PWWP3B: variants seen among roughly 807,000 people sequenced by gnomAD.
PWWP3B encodes the protein PWWP domain containing 3B.
In PWWP3B, 5 loss-of-function variants were observed where a neutral mutation model predicts 15.7. The observed-to-expected ratio is 0.32, with a 90% CI of 0.17 to 0.67. The LOEUF (loss-of-function observed/expected upper bound fraction) is 0.67. Among genes scored for constraint, PWWP3B ranks in the 30% least tolerant of loss-of-function variants. The pLI is 0.74. For synonymous variants in PWWP3B, 203 were observed against 179.8 expected, an observed-to-expected ratio of 1.13 and a Z score of -1.03; for missense variants, 519 against 493.1, an observed-to-expected ratio of 1.05 and a Z score of -0.50.
intron 2 of PWWP3B, among the ~76,000 whole-genome samples, chrX:106,187,598 T>C (rs141359247): frequency 0.022 from 2,433 of 112,209 alleles, 79 homozygotes; most frequent in African/African-American, 0.075. Context: ...GGGTTGATCA[T>C]TATTACTAAG....
intron 2 of PWWP3B, among the ~76,000 whole-genome samples, chrX:106,172,023 T>C (rs1921646068): frequency 9.0e-6 from 1 of 111,476 alleles, no homozygotes; most frequent in Non-Finnish European, 1.9e-5. Context: ...TTTATTATCA[T>C]TATAATAGTA....
At chrX:106,187,623 C>T (rs762574147) in intron 2 of PWWP3B, among the ~76,000 whole-genome samples, 1 of 112,145 alleles carries the variant, frequency 8.9e-6, no homozygotes, top group Non-Finnish European at 1.9e-5. Flanking sequence ...TCCTGATGTT[C>T]TTCCTCTTCA....
At chrX:106,172,239 C>T (rs1921657328) in intron 2 of PWWP3B, among the ~76,000 whole-genome samples, 1 of 109,324 alleles carries the variant, frequency 9.1e-6, no homozygotes. Flanking sequence ...AACACTTAGG[C>T]TACACTAAAT....
Position 106,205,960 on chromosome X carries a change from T to C in PWWP3B, c.528T>C (p.Asp176=), listed in dbSNP as rs776671655. The C allele has an allele frequency of 8.3e-7, 1 of 1,210,740 alleles. No homozygotes were observed. The highest frequency in any genetic ancestry group is 1.8e-5 in the South Asian group (1 of 56,694). ...DDKSQAPTMV[D]TIPSEVETKS... ...AATCACAAGCACCCACAATGGTCGA[T>C]ACTATTCCAAGTGAAGTGGAAACAA... Residue 176 remains aspartate, a synonymous_variant, in exon 4 of 4, where the codon GAT becomes GAC. Transcript: ENST00000357175.
chrX:106,182,534 G>A (rs1922269113), intron 2 of PWWP3B, among the ~76,000 whole-genome samples: 1 of 111,744 alleles, frequency 8.9e-6, no homozygotes, highest in South Asian at 3.8e-4. Flanking sequence ...AGGTGTGTGA[G>A]TCTGTTGTTT....
intron 2 of PWWP3B, among the ~76,000 whole-genome samples, chrX:106,195,937 TTCTC>T (rs1320334027): frequency 9.0e-6 from 1 of 111,487 alleles, no homozygotes; most frequent in Non-Finnish European, 1.9e-5. Context: ...CATGGTATAT[TTCTC>T]TATTTATTTA....
chrX:106,196,103 A>G (rs1163508782), intron 2 of PWWP3B, among the ~76,000 whole-genome samples: 5 of 111,818 alleles, frequency 4.5e-5, no homozygotes, highest in African/African-American at 1.6e-4. Context: ...GTGTAGAAAT[A>G]AAATAAATTA....
Position 106,205,951 on chromosome X carries a change from A to G in PWWP3B, c.519A>G (p.Thr173=), listed in dbSNP as rs992878436. The change falls in exon 4 of 4, where the codon ACA becomes ACG. Residue 173 remains threonine (T), a synonymous_variant. Coordinates refer to ENST00000357175, the MANE Select transcript of PWWP3B (RefSeq NM_001171020.2). The stretch of plus-strand genomic sequence containing the variant: ...ATGATGATAAATCACAAGCACCCAC[A>G]ATGGTCGATACTATTCCAAGTGAAG... ...SLYDDKSQAP[T]MVDTIPSEVE... The G allele has an allele frequency of 4.1e-6, 5 of 1,210,624 alleles. No homozygotes were observed. Among genetic ancestry groups the G allele is most frequent in the Non-Finnish European group, 5.6e-6 (5 of 894,936 alleles).
At chrX:106,184,774 T>C (rs1922406484) in intron 2 of PWWP3B, among the ~76,000 whole-genome samples, 1 of 111,912 alleles carries the variant, frequency 8.9e-6, no homozygotes, top group Admixed American at 9.5e-5. Context: ...TGCCTTGATC[T>C]GCTTTAAATC....
At chrX:106,188,287 A>C (rs1922642904) in intron 2 of PWWP3B, among the ~76,000 whole-genome samples, 1 of 112,214 alleles carries the variant, frequency 8.9e-6, no homozygotes, top group African/African-American at 3.2e-5. Flanking sequence ...CAAGTTAATA[A>C]AAATTAATAA....
chrX:106,204,279 A>G (rs1427451127), intron 3 of PWWP3B, 109 bp downstream of exon 3: 2 of 112,771 alleles, frequency 1.8e-5, no homozygotes, highest in African/African-American at 6.4e-5. Flanking sequence ...ATTTTAAATT[A>G]AAAGCCATAT....
At chrX:106,205,178 A>G in intron 3 of PWWP3B, 41 bp from the exon 4 acceptor site, 1 of 285,270 alleles carries the variant, frequency 3.5e-6, no homozygotes, top group Admixed American at 5.7e-5. Flanking sequence ...AAATAATCGT[A>G]TTTGCTGATA....
chrX:106,205,604 CTAAA>C lies in PWWP3B; in HGVS notation c.178_181del (p.Lys60LeufsTer10). Reference sequence around the variant, plus strand: ...ATTGGACAGCACAGAAACAAAGATCCTAAATAAATCTCAAATTGAAGCCATTGCT... The same window carrying C: ...ATTGGACAGCACAGAAACAAAGATCCTAAATCTCAAATTGAAGCCATTGCT... On this transcript the variant is annotated frameshift_variant, in exon 4 of 4. Transcript: ENST00000357175. LOFTEE classifies it low-confidence loss of function (END_TRUNC). 7 of 1,208,740 alleles carry C rather than the reference CTAAA, an allele frequency of 5.8e-6. No homozygotes were observed. The highest frequency in any genetic ancestry group is 7.8e-6 in the Non-Finnish European group (7 of 894,189).
chrX:106,171,746 T>TAAACCACAAACA (rs1442513206), intron 2 of PWWP3B, among the ~76,000 whole-genome samples: 1 of 110,341 alleles, frequency 9.1e-6, no homozygotes, highest in African/African-American at 3.3e-5. Context: ...ACCACAAACC[T>TAAACCACAAACA]GTATACCATG....
chrX:106,198,821 A>T (rs1205790609), intron 2 of PWWP3B, among the ~76,000 whole-genome samples: 15 of 111,044 alleles, frequency 1.4e-4, no homozygotes, highest in East Asian at 8.5e-4. Context: ...AGCAAAAAAA[A>T]TTTTAACATA....
rs1293340727 is a variant in PWWP3B, at chrX:106,171,003, C to G, written c.-528-9C>G. The G allele has an allele frequency of 9.0e-6, 1 of 110,835 alleles. No individual in the cohort carries two copies. Among genetic ancestry groups the G allele is most frequent in the Admixed American group, 9.6e-5 (1 of 10,365 alleles). The allele number at this position is 110,835 out of a possible 1,213,427, so 9.1% of individuals were successfully genotyped here. A position where few individuals can be genotyped will look rare whatever the true frequency, so the allele number is the denominator to read the frequency against. ...CCTTTTCCATTTCATTGGTTTGATTCCCTGCCAGCCGAGCCCCAGAAAGAC... is the reference window on the plus strand; with the variant it reads ...CCTTTTCCATTTCATTGGTTTGATTGCCTGCCAGCCGAGCCCCAGAAAGAC... On this transcript the variant is annotated splice_polypyrimidine_tract_variant and intron_variant, in intron 1 of 3. Coordinates refer to ENST00000357175, the MANE Select transcript of PWWP3B (RefSeq NM_001171020.2).
intron 2 of PWWP3B, among the ~76,000 whole-genome samples, chrX:106,195,988 C>A (rs1923354760): frequency 1.8e-5 from 2 of 111,959 alleles, no homozygotes; most frequent in African/African-American, 6.5e-5. Context: ...GTGTTGAAGT[C>A]TTCAGCATTC....
chrX:106,182,211 A>G (rs763037525), intron 2 of PWWP3B, among the ~76,000 whole-genome samples: 15 of 112,005 alleles, frequency 1.3e-4, no homozygotes, highest in African/African-American at 4.9e-4. Context: ...CTTGCAAACT[A>G]TCTGAGAAAT....
At chrX:106,197,650 A>G (rs1923460899) in intron 2 of PWWP3B, among the ~76,000 whole-genome samples, 2 of 112,476 alleles carry the variant, frequency 1.8e-5, no homozygotes, top group African/African-American at 6.5e-5. Context: ...GGGGTTCCAG[A>G]TATTCCAAAC....
Sources: gnomAD v4.1 joint callset for allele counts (sites outside exome capture counted in the v4.1 genomes callset) on GRCh38, gnomAD v4.1.1 for gene constraint, MANE v1.5 for transcripts, NCBI Gene and HGNC (gene_info 2026-07-23, HGNC 2026-07-21) for gene names.